The following ARMCX5 variants were observed in gnomAD, a reference collection of about 807,000 sequenced individuals.
The protein encoded by ARMCX5 is armadillo repeat containing X-linked 5.
ARMCX5 carries 1 observed loss-of-function variant against 7.5 expected under a neutral mutation model. The ratio of observed to expected loss-of-function variants is 0.13; its 90% CI spans 0.05 to 0.63. The LOEUF is 0.63. ARMCX5 is among the 30% of genes least tolerant of loss of function. The probability of loss-of-function intolerance (pLI) is 0.86; values close to 1 mark genes in which losing one functional copy is unlikely to be tolerated. For synonymous variants in ARMCX5, 149 were observed against 145.7 expected, an observed-to-expected ratio of 1.02 and a Z score of -0.16; for missense variants, 346 against 402.2, an observed-to-expected ratio of 0.86 and a Z score of 1.19.
chrX:102,601,220 G>C (rs2147602526), intron 2 of ARMCX5, 188 bp downstream of exon 2: 1 of 111,625 alleles, frequency 9.0e-6, no homozygotes, highest in South Asian at 3.8e-4. Flanking sequence ...TGCTTGTCCT[G>C]CTCTCACGCT....
In ARMCX5 at chrX:102,603,979, AT is replaced by A; in HGVS notation, c.*166del. The stretch of plus-strand genomic sequence containing the variant: ...ATCTTGAGATCCTGAACATGTGCTG[AT>A]TTTTATTGTGCTATATAGTATATAA... On this transcript the variant is annotated 3_prime_UTR_variant, in exon 4 of 4. Coordinates refer to ENST00000473968, the MANE Select transcript of ARMCX5 (RefSeq NM_001168478.2). The A allele has an allele frequency of 2.3e-6, 1 of 430,327 alleles. No homozygotes were observed. Among genetic ancestry groups the A allele is most frequent in the South Asian group, 5.0e-5 (1 of 20,148 alleles). 35.5% of individuals were successfully genotyped at this position (430,327 alleles called of 1,213,427 possible). A position where few individuals can be genotyped will look rare whatever the true frequency, so the allele number is the denominator to read the frequency against.
chrX:102,602,145 G>A lies in ARMCX5; in HGVS notation c.4G>A (p.Val2Ile). Residue 2 changes from valine to isoleucine, a missense_variant, in exon 4 of 4, where the codon GTT (valine) becomes ATT (isoleucine). Val to Ile is a conservative substitution (Grantham distance 29, BLOSUM62 3). Transcript: ENST00000473968. ...GTCCTTACGTTAAACTTGGAACATG[G>A]TTGACTCTGGGACAGAAGCAAGGGC... is the stretch of plus-strand genomic sequence containing the variant. M[V>I]DSGTEARARG... 1.7e-6 allele frequency: 2 copies of A among 1,196,223 alleles called. No homozygotes were observed. Among genetic ancestry groups the A allele is most frequent in the South Asian group, 1.8e-5 (1 of 54,610 alleles).
chrX:102,600,815 T>C (rs1384181675), intron 1 of ARMCX5, 105 bp from the exon 2 acceptor site: 1 of 110,780 alleles, frequency 9.0e-6, no homozygotes, highest in African/African-American at 3.3e-5. Flanking sequence ...CAGGTACTTA[T>C]ATCCAGAAAG....
Position 102,601,919 on chromosome X carries a change from T to C in ARMCX5, c.-223T>C, listed in dbSNP as rs180686160. 2.5e-6 allele frequency: 1 copy of C among 397,250 alleles called. No homozygotes were observed. Among genetic ancestry groups the C allele is most frequent in the African/African-American group, 2.5e-5 (1 of 39,784 alleles). The allele number at this position is 397,250 out of a possible 1,213,427, so 32.7% of individuals were successfully genotyped here. On this transcript the variant is annotated 5_prime_UTR_variant, in exon 4 of 4. Coordinates refer to ENST00000473968, the MANE Select transcript of ARMCX5 (RefSeq NM_001168478.2). Reference sequence around the variant, plus strand: ...GCAGATCTGGTGGCCTTGGAGTGGCTGAAGACCACCACCCTCCACAGGGCT... The same window carrying C: ...GCAGATCTGGTGGCCTTGGAGTGGCCGAAGACCACCACCCTCCACAGGGCT...
Position 102,602,365 on chromosome X carries a change from G to A in ARMCX5, c.224G>A (p.Arg75Lys). The A allele has an allele frequency of 8.3e-7, 1 of 1,211,648 alleles. No individual in the cohort carries two copies. The highest frequency in any genetic ancestry group is 1.1e-6 in the Non-Finnish European group (1 of 895,261). Residue 75 changes from arginine (R) to lysine (K), a missense_variant, in exon 4 of 4, where the codon AGG (arginine) becomes AAG (lysine). Transcript: ENST00000473968. The part of the protein sequence containing the change: ...VTYREAMAVT[R>K]EVIKVEDTTK... ...TACAGGGAGGCTATGGCTGTGACAA[G>A]GGAAGTGATCAAGGTGGAAGATACA...
Position 102,603,775 on chromosome X carries a change from C to G in ARMCX5, c.1634C>G (p.Pro545Arg), listed in dbSNP as rs2081072802. Reference sequence around the variant, plus strand: ...CAAGACTTAGCAGAGCACAGTGATCCCGAAGTGAGAGATAAAGTCATACGA... The same window carrying G: ...CAAGACTTAGCAGAGCACAGTGATCGCGAAGTGAGAGATAAAGTCATACGA... ...KLQDLAEHSDPEVRDKVIRLI... is the reference protein window; with the variant it reads ...KLQDLAEHSDREVRDKVIRLI... The change falls in exon 4 of 4, where the codon CCC becomes CGC. Residue 545 changes from proline (P) to arginine (R), a missense_variant. This residue lies in a region of ARMCX5 where 139 missense variants were observed against 141.1 expected (regional missense o/e 0.99). Transcript: ENST00000473968. 1 of 1,189,048 alleles carries G rather than the reference C, an allele frequency of 8.4e-7. No individual in the cohort carries two copies. Among genetic ancestry groups the G allele is most frequent in the Admixed American group, 2.4e-5 (1 of 41,708 alleles).
Position 102,603,004 on chromosome X carries a change from G to A in ARMCX5, c.863G>A (p.Arg288Lys). 1 of 1,211,528 alleles carries A rather than the reference G, an allele frequency of 8.3e-7. No individual in the cohort carries two copies. The highest frequency in any genetic ancestry group is 1.1e-6 in the Non-Finnish European group (1 of 895,390). The change falls in exon 4 of 4, where the codon AGG (arginine) becomes AAG (lysine). Residue 288 changes from arginine (R) to lysine (K), a missense_variant. This residue lies in a region of ARMCX5 where 204 missense variants were observed against 244.3 expected (regional missense o/e 0.83). Coordinates refer to ENST00000473968, the MANE Select transcript of ARMCX5 (RefSeq NM_001168478.2). ...GAGATCAAAAAACAGATTAGGCAAA[G>A]GGAAAAGTATGGGCCTAATCCGAAG... The part of the protein sequence containing the change: ...LAEIKKQIRQ[R>K]EKYGPNPKAC...
Position 102,603,339 on chromosome X carries a change from A to G in ARMCX5, c.1198A>G (p.Ile400Val). The G allele has an allele frequency of 8.3e-7, 1 of 1,210,817 alleles. No homozygotes were observed. The change falls in exon 4 of 4, where the codon ATA (isoleucine) becomes GTA (valine). Residue 400 changes from isoleucine (I) to valine (V), a missense_variant. Ile to Val is a conservative substitution (Grantham distance 29). Around this residue, in one of 3 missense-constraint regions of ARMCX5, gnomAD observed 139 missense variants for 141.1 expected, o/e 0.99. Transcript: ENST00000473968. ...ATATATACATCAAGTTTGTAAAGGC[A>G]TAATCTCTTGCCCCTTGAACTCCCC... ...ESYIHQVCKG[I>V]ISCPLNSPVQ... is the part of the protein sequence containing the mutation.
rs1430222160 is a variant in ARMCX5, at chrX:102,602,378, G to A, written c.237G>A (p.Lys79=). The A allele has an allele frequency of 1.7e-6, 2 of 1,211,576 alleles. No individual in the cohort carries two copies. Among genetic ancestry groups the A allele is most frequent in the South Asian group, 3.5e-5 (2 of 57,002 alleles). ...TGGCTGTGACAAGGGAAGTGATCAA[G>A]GTGGAAGATACAACTAAGACTAGAG... ...EAMAVTREVI[K]VEDTTKTRVM... The change falls in exon 4 of 4, where the codon AAG becomes AAA. Residue 79 remains lysine (K), a synonymous_variant. Transcript: ENST00000473968.
intron 1 of ARMCX5, chrX:102,600,505 T>C (rs951127334): frequency 9.0e-6 from 1 of 111,340 alleles, no homozygotes; most frequent in Non-Finnish European, 1.9e-5. Flanking sequence ...TCCAGAACTC[T>C]CTGCCAGCTT....
At position 102,602,774 on chromosome X, in the gene ARMCX5, C is replaced by G. The variant is rs758529861; in HGVS notation, c.633C>G (p.His211Gln). ...PKIQEKPKPT[H>Q]KPTLTIKQKV... ...TCCAGGAAAAGCCCAAGCCCACACA[C>G]AAACCCACACTTACTATAAAACAAA... is the stretch of plus-strand genomic sequence containing the variant. Residue 211 changes from histidine (H) to glutamine (Q), a missense_variant, in exon 4 of 4, where the codon CAC becomes CAG. Physicochemically the swap from His to Gln is conservative, Grantham distance 24. Coordinates refer to ENST00000473968, the MANE Select transcript of ARMCX5 (RefSeq NM_001168478.2). The G allele has an allele frequency of 5.0e-6, 6 of 1,211,088 alleles. No individual in the cohort carries two copies. Among genetic ancestry groups the G allele is most frequent in the Non-Finnish European group, 5.6e-6 (5 of 895,022 alleles).
chrX:102,603,808 TA>T lies in ARMCX5; in HGVS notation c.1671del (p.Lys557AsnfsTer48). ...AGAGATAAAGTCATACGATTAATAC[TA>T]AAACTCTGAATACCCCTCTGTTCTC... Reference protein sequence around the residue: ...EVRDKVIRLILKL With the variant: ...EVRDKVIRLIXKL On this transcript the variant is annotated frameshift_variant, in exon 4 of 4. Transcript: ENST00000473968. LOFTEE classifies it high-confidence loss of function. The T allele has an allele frequency of 8.7e-7, 1 of 1,142,892 alleles. No individual in the cohort carries two copies. The highest frequency in any genetic ancestry group is 1.2e-6 in the Non-Finnish European group (1 of 854,236). 94.2% of individuals were successfully genotyped at this position (1,142,892 alleles called of 1,213,427 possible).
chrX:102,602,275 A>G lies in ARMCX5; in HGVS notation c.134A>G (p.Lys45Arg), dbSNP rs747742515. Residue 45 changes from lysine (K) to arginine (R), a missense_variant, in exon 4 of 4, where the codon AAA becomes AGA. This residue lies in a region of ARMCX5 where 204 missense variants were observed against 244.3 expected (regional missense o/e 0.83). Coordinates refer to ENST00000473968, the MANE Select transcript of ARMCX5 (RefSeq NM_001168478.2). ...GAGGCAGTGGCTGAGGCAGAACTGA[A>G]AACAGAATCAGTGACCCAGGCCAAA... ...QAEAVAEAEL[K>R]TESVTQAKAG... 2.5e-6 allele frequency: 3 copies of G among 1,211,668 alleles called. No homozygotes were observed. Among genetic ancestry groups the G allele is most frequent in the East Asian group, 5.9e-5 (2 of 33,838 alleles).
chrX:102,602,499 A>T lies in ARMCX5; in HGVS notation c.358A>T (p.Thr120Ser). The change falls in exon 4 of 4, where the codon ACC becomes TCC. Residue 120 changes from threonine to serine, a missense_variant. Thr to Ser is a moderately conservative substitution (Grantham distance 58). Transcript: ENST00000473968. ...GCCTATGTCTAGGGTCAGTACTGTA[A>T]CCAAGTCTGAAGTCAAGGTTGTTGC... ...AMPMSRVSTV[T>S]KSEVKVVAVI... The T allele has an allele frequency of 1.7e-6, 2 of 1,211,366 alleles. No individual in the cohort carries two copies. Among genetic ancestry groups the T allele is most frequent in the Non-Finnish European group, 2.2e-6 (2 of 895,014 alleles).
chrX:102,599,504 C>T (rs1340012116), upstream of ARMCX5: 1 of 109,876 alleles, frequency 9.1e-6, no homozygotes, highest in Non-Finnish European at 1.9e-5. Flanking sequence ...CCATAAACTA[C>T]GCTCTAGCTC....
upstream of ARMCX5, chrX:102,599,352 G>T (rs1191467838): frequency 1.8e-5 from 2 of 111,292 alleles, no homozygotes; most frequent in Non-Finnish European, 1.9e-5. Flanking sequence ...TTCCAGCGCC[G>T]TTTTCCCTAT....
intron 3 of ARMCX5, 45 bp from the exon 4 acceptor site, chrX:102,601,835 A>T (rs2081044691): frequency 3.3e-6 from 1 of 301,345 alleles, no homozygotes; most frequent in Admixed American, 5.6e-5. Flanking sequence ...GAGGAGAAAA[A>T]AGTTGGAAGA....
At position 102,602,851 on chromosome X, in the gene ARMCX5, G is replaced by C. The variant is rs755694549; in HGVS notation, c.710G>C (p.Gly237Ala). ...ARYIVLVPVE[G>A]GEQSLPPEGN... ...TATATTGTCCTAGTTCCAGTTGAAG[G>C]AGGGGAGCAATCCTTGCCTCCAGAA... The change falls in exon 4 of 4, where the codon GGA becomes GCA. Residue 237 changes from glycine (G) to alanine (A), a missense_variant. Physicochemically the swap from Gly to Ala is moderately conservative, Grantham distance 60 (BLOSUM62 0). Coordinates refer to ENST00000473968, the MANE Select transcript of ARMCX5 (RefSeq NM_001168478.2). 5.8e-6 allele frequency: 7 copies of C among 1,208,143 alleles called. No homozygotes were observed. The East Asian group carries it at 1.8e-4, about 31-fold the overall frequency.
chrX:102,600,913 C>A lies in ARMCX5; in HGVS notation c.-421-7C>A, dbSNP rs2081030580. On this transcript the variant is annotated splice_polypyrimidine_tract_variant and splice_region_variant and intron_variant, in intron 1 of 3. Transcript: ENST00000473968. ...TTATTGGTCTCTGTTTTTGTGAATCCCTGTAGGTAGATCTGTCCCCAGGTC... is the reference window on the plus strand; with the variant it reads ...TTATTGGTCTCTGTTTTTGTGAATCACTGTAGGTAGATCTGTCCCCAGGTC... 9.0e-6 allele frequency: 1 copy of A among 111,525 alleles called. No individual in the cohort carries two copies. The highest frequency in any genetic ancestry group is 1.9e-5 in the Non-Finnish European group (1 of 53,055). The allele number at this position is 111,525 out of a possible 1,213,427, so 9.2% of individuals were successfully genotyped here.
Sources: gnomAD v4.1 joint callset for allele counts on GRCh38, gnomAD v4.1.1 for gene constraint, gnomAD v4.1.1 regional missense constraint, MANE v1.5 for transcripts, NCBI Gene and HGNC (gene_info 2026-07-23, HGNC 2026-07-21) for gene names.